Variants in AGAP2 observed in about 807,000 individuals in gnomAD.
The protein encoded by AGAP2 is arf-GAP with GTPase, ANK repeat and PH domain-containing protein 2.
A neutral mutation model predicts 110.9 loss-of-function variants in AGAP2; 32 were observed. That is an observed-to-expected ratio of 0.29 (90% confidence interval 0.22 to 0.39). The LOEUF is 0.39. Among genes scored for constraint, AGAP2 ranks in the 10% least tolerant of loss-of-function variants. The probability of loss-of-function intolerance (pLI) is 1.00; values close to 1 mark genes in which losing one functional copy is unlikely to be tolerated. For synonymous variants in AGAP2, 702 were observed against 713.0 expected (o/e 0.98, Z 0.25); for missense variants, 1,285 against 1,638.5 (o/e 0.78, Z 3.72).
In AGAP2 at chr12:57,726,825, C is replaced by T. The variant is rs1162024967; in HGVS notation, c.3337-31G>A. 7.0e-7 allele frequency: 1 copy of T among 1,431,224 alleles called. No homozygotes were observed. The highest frequency in any genetic ancestry group is 9.1e-7 in the Non-Finnish European group (1 of 1,097,556). The allele number at this position is 1,431,224 out of a possible 1,614,324, so 88.7% of individuals were successfully genotyped here. ...GGGCGGAAACGGCCGCGTGACCGCG[C>T]GTCCCCAGGGCGCCCACACCCGGCG... On this transcript the variant is annotated intron_variant, in intron 18 of 18. Transcript: ENST00000547588. The surrounding 1 kb of genome is among the most constrained non-coding windows in gnomAD (Gnocchi z 5.7).
chr12:57,740,547 C>T (rs1283410714), upstream of AGAP2, among the ~76,000 whole-genome samples: 2 of 152,134 alleles, frequency 1.3e-5, no homozygotes, highest in Non-Finnish European at 2.9e-5. Context: ...CACCTCCACC[C>T]CTCCTCACCC....
chr12:57,737,704 C>G lies in AGAP2; in HGVS notation c.543G>C (p.Ala181=). Residue 181 remains alanine (A), a synonymous_variant, in exon 1 of 19, where the codon GCG becomes GCC. Transcript: ENST00000547588. The surrounding 1 kb of genome is among the most constrained non-coding windows in gnomAD (Gnocchi z 5.9). ...AAGGCTTGGGAGCCGGCGGAGGAGG[C>G]GCCACCTTGAGCCTCCGGCTGCCGG... ...PGTGSRRLKV[A]PPPPAPKPCK... The G allele has an allele frequency of 6.5e-7, 1 of 1,549,454 alleles. No individual in the cohort carries two copies. The highest frequency in any genetic ancestry group is 8.7e-7 in the Non-Finnish European group (1 of 1,150,698).
In AGAP2 at chr12:57,725,937, G is replaced by T. The variant is rs1320125201; in HGVS notation, c.*615C>A. The T allele has an allele frequency of 6.6e-6, 1 of 151,786 alleles. No homozygotes were observed. The highest frequency in any genetic ancestry group is 1.5e-5 in the Non-Finnish European group (1 of 67,954). 9.4% of individuals were successfully genotyped at this position (151,786 alleles called of 1,614,324 possible). On this transcript the variant is annotated 3_prime_UTR_variant, in exon 19 of 19. Transcript: ENST00000547588. ...ATGGGTAGGTGTAGGGGACGTCCTGGTTTCCACTACTCACGGTCCCTTTCA... is the reference window on the plus strand; with the variant it reads ...ATGGGTAGGTGTAGGGGACGTCCTGTTTTCCACTACTCACGGTCCCTTTCA...
chr12:57,732,654 G>C (rs1954908619), intron 6 of AGAP2, 142 bp from the exon 7 acceptor site: 2 of 1,314,972 alleles, frequency 1.5e-6, no homozygotes, highest in Admixed American at 4.1e-5. Context: ...CTGTGGCCTT[G>C]CCAGCTCCTC....
upstream of AGAP2, among the ~76,000 whole-genome samples, chr12:57,741,286 G>A (rs1300714019): frequency 6.6e-6 from 1 of 152,184 alleles, no homozygotes; most frequent in East Asian, 1.9e-4. Flanking sequence ...GAGGTAGAGC[G>A]GAAGGTGTGT....
rs768941136 is a variant in AGAP2, at chr12:57,726,611, G to A, written c.3520C>T (p.Arg1174Cys). ...ACGCTAGCGGCGCTGCTCCGGCGGCGGGGGCTGGGCGTGGCGGTGATGCTG... is the reference window on the plus strand; with the variant it reads ...ACGCTAGCGGCGCTGCTCCGGCGGCAGGGGCTGGGCGTGGCGGTGATGCTG... ...TPSITATPSP[R>C]RRSSAASVGR... Residue 1174 changes from arginine (R) to cysteine (C), a missense_variant, in exon 19 of 19, where the codon CGC becomes TGC. Arg to Cys is a radical substitution (Grantham distance 180, BLOSUM62 -3). Coordinates refer to ENST00000547588, the MANE Select transcript of AGAP2 (RefSeq NM_001122772.3). This position sits in a 1 kb window ranked among gnomAD's most constrained non-coding sequence, Gnocchi z 5.7. The A allele has an allele frequency of 8.2e-5, 99 of 1,200,652 alleles. No individual in the cohort carries two copies. Among genetic ancestry groups the A allele is most frequent in the Non-Finnish European group, 1.0e-4 (99 of 967,984 alleles). 74.4% of individuals were successfully genotyped at this position (1,200,652 alleles called of 1,614,324 possible).
intron 3 of AGAP2, 76 bp downstream of exon 3, chr12:57,734,516 C>A (rs1447593043): frequency 8.2e-6 from 13 of 1,591,908 alleles, no homozygotes; most frequent in Admixed American, 1.7e-5. Context: ...CTGGTCTCCA[C>A]ACCTGCCTAA....
chr12:57,729,737 A>G lies in AGAP2; in HGVS notation c.2459T>C (p.Leu820Pro), dbSNP rs537980062. 6.2e-6 allele frequency: 10 copies of G among 1,613,590 alleles called. No individual in the cohort carries two copies. The highest frequency in any genetic ancestry group is 8.5e-6 in the Non-Finnish European group (10 of 1,179,732). The change falls in exon 13 of 19, where the codon CTG (leucine) becomes CCG (proline). Residue 820 changes from leucine (L) to proline (P), a missense_variant. By Grantham distance (98) the Leu-to-Pro change is moderately conservative (BLOSUM62 -3). Coordinates refer to ENST00000547588, the MANE Select transcript of AGAP2 (RefSeq NM_001122772.3). ...DCTPSGDLSP[L>P]SREPPPSPMV... ...GGGAGAAGGAGGGGGTTCCCGACTC[A>G]GGGGGCTCAGGTCTCCAGATGGGGT...
At chr12:57,735,301 G>T (rs1329849586) in intron 2 of AGAP2, 68 bp downstream of exon 2, 12 of 1,397,516 alleles carry the variant, frequency 8.6e-6, no homozygotes, top group African/African-American at 1.4e-5. Flanking sequence ...GAGGTGAAGG[G>T]AGAGAGCTGA....
At position 57,738,629 on chromosome 12, in the gene AGAP2, AGG is replaced by A. The variant is rs951931551; in HGVS notation, c.-385_-384del. 6.7e-6 allele frequency among the ~76,000 whole-genome samples: 1 copy of A among 149,644 alleles called. No homozygotes were observed. The highest frequency in any genetic ancestry group is 2.5e-5 in the African/African-American group (1 of 40,188). On this transcript the variant is annotated 5_prime_UTR_variant, in exon 1 of 19. Transcript: ENST00000547588. The surrounding 1 kb of genome is among the most constrained non-coding windows in gnomAD (Gnocchi z 6.7). ...AAAAGGGAGCAGAAAAGGGGACCGG[AGG>A]CTAGGGGAAACGAACCTGTGCGGGG...
upstream of AGAP2, among the ~76,000 whole-genome samples, chr12:57,740,963 GA>G (rs890474938): frequency 2.2e-4 from 33 of 152,346 alleles, no homozygotes; most frequent in Middle Eastern, 3.4e-3. Flanking sequence ...TAACAATGGA[GA>G]AGACTGAAAT....
chr12:57,723,953 G>A (rs1954725617), downstream of AGAP2: 1 of 152,268 alleles, frequency 6.6e-6, no homozygotes, highest in South Asian at 2.1e-4. Flanking sequence ...CGAGGAAGGA[G>A]TGGAGCTGAA....
In AGAP2 at chr12:57,734,384, T is replaced by A. The variant is rs1312612602; in HGVS notation, c.1336A>T (p.Met446Leu). The A allele has an allele frequency of 6.2e-7, 1 of 1,614,176 alleles. No individual in the cohort carries two copies. The highest frequency in any genetic ancestry group is 1.7e-5 in the Admixed American group (1 of 60,026). ...AGATGTGTCTGTCCATCCACCAACA[T>A]TTCTTTCTTGTACTGCTCACCTGTC... Reference protein sequence around the residue: ...KTESEQYKKEMLVDGQTHLVL... With the variant: ...KTESEQYKKELLVDGQTHLVL... The change falls in exon 4 of 19, where the codon ATG becomes TTG. Residue 446 changes from methionine (M) to leucine (L), a missense_variant. Met to Leu is a conservative substitution (Grantham distance 15). Transcript: ENST00000547588.
chr12:57,727,748 C>G lies in AGAP2; in HGVS notation c.2790G>C (p.Glu930Asp). The change falls in exon 16 of 19, where the codon GAG becomes GAC. Residue 930 changes from glutamate to aspartate, a missense_variant. Physicochemically the swap from Glu to Asp is conservative, Grantham distance 45. Coordinates refer to ENST00000547588, the MANE Select transcript of AGAP2 (RefSeq NM_001122772.3). ...KVKLRTDSQS[E>D]AVAIQAIRNA... ...TCCGGATCGCCTGGATGGCCACGGC[C>G]TCGCTTTGGCTGTCTGTGCGCAGCT... The G allele has an allele frequency of 4.4e-6, 7 of 1,586,056 alleles. No individual in the cohort carries two copies. The highest frequency in any genetic ancestry group is 6.0e-6 in the Non-Finnish European group (7 of 1,165,008).
At chr12:57,733,454 G>C (rs1477515303) in intron 5 of AGAP2, among the ~76,000 whole-genome samples, 2 of 152,088 alleles carry the variant, frequency 1.3e-5, no homozygotes, top group Non-Finnish European at 2.9e-5. Context: ...CAGCAGAACA[G>C]GCATCCAGAC....
intron 12 of AGAP2, 88 bp from the exon 13 acceptor site, chr12:57,729,855 T>C: frequency 6.6e-7 from 1 of 1,515,582 alleles, no homozygotes; most frequent in East Asian, 2.4e-5. Flanking sequence ...TGAACTAGCT[T>C]TGGCATTTTA....
chr12:57,731,489 C>T lies in AGAP2; in HGVS notation c.2041-19G>A. The T allele has an allele frequency of 6.2e-7, 1 of 1,613,930 alleles. No individual in the cohort carries two copies. Among genetic ancestry groups the T allele is most frequent in the Non-Finnish European group, 8.5e-7 (1 of 1,179,848 alleles). Reference sequence around the variant, plus strand: ...GGAAGCTCTGGAGAAAGGGGAAAGACACATGTGGGAAAAAAGCCAACTAAG... The same window carrying T: ...GGAAGCTCTGGAGAAAGGGGAAAGATACATGTGGGAAAAAAGCCAACTAAG... On this transcript the variant is annotated intron_variant, in intron 9 of 18. Transcript: ENST00000547588.
At position 57,727,385 on chromosome 12, in the gene AGAP2, C is replaced by T. The variant is rs771899974; in HGVS notation, c.3055G>A (p.Ala1019Thr). 7.4e-6 allele frequency: 12 copies of T among 1,611,844 alleles called. No individual in the cohort carries two copies. The African/African-American group carries it at 1.5e-4, about 20-fold the overall frequency. The change falls in exon 17 of 19, where the codon GCC (alanine) becomes ACC (threonine). Residue 1019 changes from alanine to threonine, a missense_variant. Around this residue, in one of 7 missense-constraint regions of AGAP2, gnomAD observed 201 missense variants for 276.1 expected, o/e 0.73. Coordinates refer to ENST00000547588, the MANE Select transcript of AGAP2 (RefSeq NM_001122772.3). The part of the protein sequence containing the change: ...RVWESDTRGR[A>T]KPSRDSSREE... ...CGCGAAGAGTCCCGCGAGGGCTTGG[C>T]ACGGCCTCGCGTGTCGCTTTCCCAC...
chr12:57,729,845 T>C (rs1954851244), intron 12 of AGAP2, 78 bp from the exon 13 acceptor site: 1 of 1,524,078 alleles, frequency 6.6e-7, no homozygotes, highest in Non-Finnish European at 8.8e-7. Context: ...TCTCATTCCC[T>C]GAACTAGCTT....
Sources: allele counts gnomAD v4.1 joint callset (sites outside exome capture counted in the v4.1 genomes callset), GRCh38; gene constraint gnomAD v4.1.1; regional missense constraint gnomAD v4.1.1; non-coding constraint Gnocchi (gnomAD v3.1); transcripts MANE v1.5; gene names NCBI Gene and HGNC (gene_info 2026-07-23, HGNC 2026-07-21).